PLAAT4: variants seen among roughly 807,000 people sequenced by gnomAD.
The protein encoded by PLAAT4 is phospholipase A and acyltransferase 4, also known as HRAS-like suppressor 4.
In PLAAT4, 12 loss-of-function variants were observed where a neutral mutation model predicts 14.1. The observed-to-expected ratio is 0.85, with a 90% confidence interval of 0.54 to 1.37. The LOEUF (loss-of-function observed/expected upper bound fraction) is 1.37. Among genes scored for constraint, PLAAT4 ranks in the 40% most tolerant of loss-of-function variants. PLAAT4 has a pLI of 0.00. For synonymous variants in PLAAT4, 77 were observed against 79.8 expected (o/e 0.96, Z 0.19); for missense variants, 163 against 211.7 (o/e 0.77, Z 1.43).
At chr11:63,539,442 T>G (rs941131375) in intron 1 of PLAAT4, 74 bp from the exon 2 acceptor site, 3 of 1,241,622 alleles carry the variant, frequency 2.4e-6, no homozygotes, top group Admixed American at 3.4e-5. Context: ...CAGGATGAGC[T>G]GCAGCTCCCC....
intron 2 of PLAAT4, among the ~76,000 whole-genome samples, 167 bp downstream of exon 2, chr11:63,539,791 A>G (rs1199599018): frequency 6.6e-6 from 1 of 152,122 alleles, no homozygotes; most frequent in African/African-American, 2.4e-5. Context: ...GAGAAACCCC[A>G]TCTCTACTAA....
chr11:63,538,514 CAA>C, intron 1 of PLAAT4: 2 of 262,112 alleles, frequency 7.6e-6, no homozygotes. Flanking sequence ...AGGAAGAGGG[CAA>C]AGGAGAGCAG....
intron 3 of PLAAT4, chr11:63,545,109 G>A: frequency 1.6e-6 from 1 of 632,688 alleles, no homozygotes; most frequent in South Asian, 1.9e-5. Flanking sequence ...CAGAGGAGGG[G>A]GTGGATGGAG....
chr11:63,537,693 C>G (rs1299008483), intron 1 of PLAAT4, among the ~76,000 whole-genome samples: 4 of 152,204 alleles, frequency 2.6e-5, no homozygotes, highest in African/African-American at 9.7e-5. Flanking sequence ...TTAAAAGCCC[C>G]TCTCTCTCCC....
chr11:63,545,699 A>T (rs942850465), intron 3 of PLAAT4, among the ~76,000 whole-genome samples: 1 of 151,918 alleles, frequency 6.6e-6, no homozygotes, highest in African/African-American at 2.4e-5. Context: ...TGGCCTCCCT[A>T]AGTCTCCCCT....
rs1376146426 is a variant in PLAAT4, at chr11:63,544,631, C to T, written c.129C>T (p.Pro43=). The change falls in exon 3 of 4, where the codon CCC becomes CCT. Residue 43 remains proline, a synonymous_variant. Coordinates refer to ENST00000255688, the MANE Select transcript of PLAAT4 (RefSeq NM_004585.5). The part of the protein sequence containing the change: ...VIHLAPPSEY[P]GAGSSSVFSV... The stretch of plus-strand genomic sequence containing the variant: ...TGCCTCTGATTGCAGGTGAGTACCC[C>T]GGGGCTGGCTCCTCCAGTGTCTTCT... 11 of 1,612,246 alleles carry T rather than the reference C, an allele frequency of 6.8e-6. No homozygotes were observed. Among genetic ancestry groups the T allele is most frequent in the South Asian group, 1.1e-5 (1 of 91,028 alleles).
intron 1 of PLAAT4, among the ~76,000 whole-genome samples, chr11:63,537,409 T>TA (rs368150184): frequency 4.6e-5 from 7 of 152,178 alleles, no homozygotes; most frequent in Middle Eastern, 3.4e-3. Context: ...GCAGAAGCTC[T>TA]AGGGAGAGCA....
chr11:63,539,714 C>A (rs2017306568), intron 2 of PLAAT4, 90 bp downstream of exon 2: 3 of 1,003,876 alleles, frequency 3.0e-6, no homozygotes, highest in Non-Finnish European at 2.9e-6. Context: ...GTAATCCCAG[C>A]ACTTTGAGAG....
Position 63,539,385 on chromosome 11 carries a change from G to C in PLAAT4, c.10-131G>C, listed in dbSNP as rs1297508403. On this transcript the variant is annotated intron_variant, in intron 1 of 3. Coordinates refer to ENST00000255688, the MANE Select transcript of PLAAT4 (RefSeq NM_004585.5). ...AGCCTCTGAAAGTGACAGCAGGGCT[G>C]AGGATCTCATGGGGCTAGCAGCTGA... 10 of 744,914 alleles carry C rather than the reference G, an allele frequency of 1.3e-5. No individual in the cohort carries two copies. The African/African-American group carries it at 1.7e-4, about 13-fold the overall frequency. 46.1% of individuals were successfully genotyped at this position (744,914 alleles called of 1,614,324 possible).
intron 2 of PLAAT4, among the ~76,000 whole-genome samples, chr11:63,542,226 C>A (rs537332785): frequency 1.3e-5 from 2 of 152,232 alleles, no homozygotes; most frequent in African/African-American, 4.8e-5. Flanking sequence ...ACCTGTTTAT[C>A]AAACTATTTC....
intron 1 of PLAAT4, among the ~76,000 whole-genome samples, chr11:63,537,103 G>A (rs935152930): frequency 6.6e-6 from 1 of 152,226 alleles, no homozygotes; most frequent in Non-Finnish European, 1.5e-5. Flanking sequence ...ACAGTGCGGG[G>A]AGCCCGGGAC....
chr11:63,537,315 T>C (rs1426020845), intron 1 of PLAAT4, among the ~76,000 whole-genome samples: 1 of 152,168 alleles, frequency 6.6e-6, no homozygotes, highest in East Asian at 1.9e-4. Context: ...TGTGGCATCA[T>C]CCAGCCTTCT....
rs2017364910 is a variant in PLAAT4, at chr11:63,546,210, G to A, written c.449G>A (p.Gly150Glu). 1 of 1,609,940 alleles carries A rather than the reference G, an allele frequency of 6.2e-7. No individual in the cohort carries two copies. The highest frequency in any genetic ancestry group is 8.5e-7 in the Non-Finnish European group (1 of 1,177,720). Reference protein sequence around the residue: ...ATALGILVVAGCSFAIRRYQK... With the variant: ...ATALGILVVAECSFAIRRYQK... ...GCGCTTGGAATCCTGGTTGTTGCTG[G>A]ATGCTCTTTTGCGATTAGGAGATAC... is the stretch of plus-strand genomic sequence containing the variant. The change falls in exon 4 of 4, where the codon GGA (glycine) becomes GAA (glutamate). Residue 150 changes from glycine to glutamate, a missense_variant. Transcript: ENST00000255688.
At chr11:63,541,717 A>G (rs1209971145) in intron 2 of PLAAT4, among the ~76,000 whole-genome samples, 5 of 151,730 alleles carry the variant, frequency 3.3e-5, no homozygotes, top group South Asian at 2.1e-4. Flanking sequence ...TTGATCTAAA[A>G]CTGTTTCCCT....
chr11:63,545,823 CCTT>C (rs2017360268), intron 3 of PLAAT4, among the ~76,000 whole-genome samples: 1 of 152,266 alleles, frequency 6.6e-6, no homozygotes, highest in Non-Finnish European at 1.5e-5. Flanking sequence ...GAGGCACAAA[CCTT>C]CTTCCTTGCC....
intron 2 of PLAAT4, 24 bp downstream of exon 2, chr11:63,539,648 T>G (rs757333863): frequency 4.5e-6 from 7 of 1,545,778 alleles, no homozygotes; most frequent in South Asian, 1.1e-5. Flanking sequence ...AATATATAAT[T>G]TTCAAAATAT....
rs138644067 is a variant in PLAAT4, at chr11:63,544,634, G to C, written c.132G>C (p.Gly44=). 3 of 1,612,624 alleles carry C rather than the reference G, an allele frequency of 1.9e-6. No individual in the cohort carries two copies. The East Asian group carries it at 6.7e-5, about 36-fold the overall frequency. The change falls in exon 3 of 4, where the codon GGG becomes GGC. Residue 44 remains glycine, a synonymous_variant. Transcript: ENST00000255688. ...CTCTGATTGCAGGTGAGTACCCCGG[G>C]GCTGGCTCCTCCAGTGTCTTCTCAG... ...IHLAPPSEYP[G]AGSSSVFSVL... is the part of the protein sequence containing the mutation.
intron 2 of PLAAT4, among the ~76,000 whole-genome samples, chr11:63,542,651 C>G (rs1378921495): frequency 3.3e-5 from 5 of 152,162 alleles, no homozygotes; most frequent in Non-Finnish European, 7.3e-5. Flanking sequence ...TTTAGCAGGT[C>G]TCTCTGATTC....
chr11:63,541,883 T>C (rs775084380), intron 2 of PLAAT4, among the ~76,000 whole-genome samples: 9 of 152,174 alleles, frequency 5.9e-5, no homozygotes, highest in South Asian at 2.1e-4. Flanking sequence ...TCAAGCTTAC[T>C]TAAAAATCAT....
Sources: gnomAD v4.1 joint callset for allele counts (sites outside exome capture counted in the v4.1 genomes callset) on GRCh38, gnomAD v4.1.1 for gene constraint, MANE v1.5 for transcripts, NCBI Gene and HGNC (gene_info 2026-07-23, HGNC 2026-07-21) for gene names.